The following TMEM179 variants were observed in gnomAD, a reference collection of about 807,000 sequenced individuals.
The protein encoded by TMEM179 is transmembrane protein 179.
A neutral mutation model predicts 22.2 loss-of-function variants in TMEM179; 17 were observed. That is an observed-to-expected ratio of 0.77 (90% CI 0.52 to 1.15). The LOEUF (loss-of-function observed/expected upper bound fraction) is 1.15. Among genes scored for constraint, TMEM179 ranks in the 50% most tolerant of loss-of-function variants. The probability of loss-of-function intolerance (pLI) is 0.00; values close to 1 mark genes in which losing one functional copy is unlikely to be tolerated. For synonymous variants in TMEM179, 127 were observed against 140.5 expected (o/e 0.90, Z 0.68); for missense variants, 265 against 313.6 (o/e 0.84, Z 1.17).
Position 104,592,469 on chromosome 14 carries a change from C to T in TMEM179, c.*1010G>A, listed in dbSNP as rs1409963569. ...TCGCACATGCAGTCACACATTCACT[C>T]ACAGGCAGTCACACTCTCATGCACT... On this transcript the variant is annotated 3_prime_UTR_variant, in exon 4 of 4. Coordinates refer to ENST00000556573, the MANE Select transcript of TMEM179 (RefSeq NM_001286389.2). The T allele has an allele frequency of 2.6e-5, 4 of 153,682 alleles. No homozygotes were observed. The highest frequency in any genetic ancestry group is 5.8e-5 in the Non-Finnish European group (4 of 68,782). The allele number at this position is 153,682 out of a possible 1,614,324, so 9.5% of individuals were successfully genotyped here.
intron 3 of TMEM179, chr14:104,594,744 G>A: frequency 8.7e-7 from 1 of 1,144,684 alleles, no homozygotes; most frequent in Non-Finnish European, 1.1e-6. Context: ...CTTCCCCCTG[G>A]CTAGGGGACT....
intron 1 of TMEM179, among the ~76,000 whole-genome samples, chr14:104,601,640 G>A (rs1887244361): frequency 6.6e-6 from 1 of 152,230 alleles, no homozygotes; most frequent in South Asian, 2.1e-4. Context: ...CACGTGAACT[G>A]AGCCACTAAT....
At chr14:104,601,456 A>C (rs907373334) in intron 1 of TMEM179, among the ~76,000 whole-genome samples, 10 of 152,154 alleles carry the variant, frequency 6.6e-5, no homozygotes, top group African/African-American at 2.4e-4. Flanking sequence ...TGGGTCCCCT[A>C]GGGTGGGGTC....
Position 104,593,605 on chromosome 14 carries a change from G to C in TMEM179, c.576C>G (p.Phe192Leu). The change falls in exon 4 of 4, where the codon TTC becomes TTG. Residue 192 changes from phenylalanine to leucine, a missense_variant. Phe to Leu is a conservative substitution (Grantham distance 22). Coordinates refer to ENST00000556573, the MANE Select transcript of TMEM179 (RefSeq NM_001286389.2). ...GACGGTAGTTGTGGTAGACCTTCAG[G>C]AAGGCCAGCGTGGTGATGGCCAGCC... ...LAWLAITTLA[F>L]LKVYHNYRQE... 2 of 1,508,010 alleles carry C rather than the reference G, an allele frequency of 1.3e-6. No homozygotes were observed. The highest frequency in any genetic ancestry group is 1.8e-6 in the Non-Finnish European group (2 of 1,129,642). The allele number at this position is 1,508,010 out of a possible 1,614,324, so 93.4% of individuals were successfully genotyped here. A position where few individuals can be genotyped will look rare whatever the true frequency, so the allele number is the denominator to read the frequency against.
At chr14:104,601,133 A>G (rs1002950748) in intron 1 of TMEM179, among the ~76,000 whole-genome samples, 10 of 152,192 alleles carry the variant, frequency 6.6e-5, no homozygotes, top group Non-Finnish European at 1.5e-4. Flanking sequence ...CACCTAGTCT[A>G]TGCAGCTGGA....
At chr14:104,596,830 G>A (rs1887038699) in intron 2 of TMEM179, among the ~76,000 whole-genome samples, 160 bp downstream of exon 2, 1 of 152,164 alleles carries the variant, frequency 6.6e-6, no homozygotes, top group African/African-American at 2.4e-5. Flanking sequence ...CAGGGAAGGG[G>A]CTGCACAGGT....
rs982816182 is a variant in TMEM179, at chr14:104,593,230, C to T, written c.*249G>A. On this transcript the variant is annotated 3_prime_UTR_variant, in exon 4 of 4. Transcript: ENST00000556573. ...CTGTGCGAGGCCTGGAGGTGCCCCC[C>T]GCCCCCGCCCCACACCCATAGTCTC... The T allele has an allele frequency of 3.4e-5, 19 of 558,488 alleles. No individual in the cohort carries two copies. The highest frequency in any genetic ancestry group is 1.3e-5 in the Non-Finnish European group (4 of 317,886). The allele number at this position is 558,488 out of a possible 1,614,324, so 34.6% of individuals were successfully genotyped here.
At chr14:104,593,831 C>T (rs912529364) in intron 3 of TMEM179, among the ~76,000 whole-genome samples, 173 bp from the exon 4 acceptor site, 5 of 152,256 alleles carry the variant, frequency 3.3e-5, no homozygotes, top group Non-Finnish European at 5.9e-5. Flanking sequence ...CAAGATCAAG[C>T]TTCTGAGTTC....
intron 1 of TMEM179, among the ~76,000 whole-genome samples, chr14:104,598,534 A>T (rs1887121272): frequency 6.6e-6 from 1 of 152,240 alleles, no homozygotes; most frequent in Non-Finnish European, 1.5e-5. Flanking sequence ...TTGTCTGTTC[A>T]TTCATTCAGC....
In TMEM179 at chr14:104,597,657, C is replaced by T. The variant is rs184427247; in HGVS notation, c.306-530G>A. ...CACCAAGCGAGCTCCCAGCAGATAA[C>T]GACACAGCAAGAGGAACGGGCCCTC... is the stretch of plus-strand genomic sequence containing the variant. On this transcript the variant is annotated intron_variant, in intron 1 of 3. Transcript: ENST00000556573. The surrounding 1 kb of genome is among the most constrained non-coding windows in gnomAD (Gnocchi z 4.8). Among the ~76,000 whole-genome samples the T allele has an allele frequency of 2.0e-4, 31 of 152,242 alleles. No individual in the cohort carries two copies. Among genetic ancestry groups the T allele is most frequent in the African/African-American group, 7.0e-4 (29 of 41,546 alleles).
chr14:104,596,167 G>A (rs1053061632), intron 2 of TMEM179, among the ~76,000 whole-genome samples: 12 of 152,250 alleles, frequency 7.9e-5, no homozygotes, highest in African/African-American at 2.9e-4. Flanking sequence ...AGACAGGCAG[G>A]GAGCCCCTTC....
intron 1 of TMEM179, among the ~76,000 whole-genome samples, chr14:104,598,898 G>A (rs954052258): frequency 6.6e-5 from 10 of 152,328 alleles, no homozygotes; most frequent in South Asian, 2.1e-4. Context: ...CCACACCAAC[G>A]AGGGCAGGAC....
rs140537007 is a variant in TMEM179, at chr14:104,597,520, A to G, written c.306-393T>C. Among the ~76,000 whole-genome samples, 132 of 152,010 alleles carry G rather than the reference A, an allele frequency of 8.7e-4. No individual in the cohort carries two copies. Among genetic ancestry groups the G allele is most frequent in the African/African-American group, 2.8e-3 (118 of 41,440 alleles). On this transcript the variant is annotated intron_variant, in intron 1 of 3. Transcript: ENST00000556573. This position sits in a 1 kb window ranked among gnomAD's most constrained non-coding sequence, Gnocchi z 4.8. ...TGGCCCAGGTGCTTGTGTCCCCCCA[A>G]ATCCATATGTTCCAGTCCACTGAGG... is the stretch of plus-strand genomic sequence containing the variant.
At chr14:104,599,740 A>G (rs1385924276) in intron 1 of TMEM179, among the ~76,000 whole-genome samples, 2 of 152,176 alleles carry the variant, frequency 1.3e-5, no homozygotes, top group East Asian at 1.9e-4. Context: ...GGAAGGGGCC[A>G]CTGCCATGGT....
intron 1 of TMEM179, among the ~76,000 whole-genome samples, chr14:104,600,399 G>A (rs1887194178): frequency 6.6e-6 from 1 of 152,208 alleles, no homozygotes; most frequent in South Asian, 2.1e-4. Context: ...CTCAGCGCCG[G>A]CACGGGCAGG....
rs774888317 is a variant in TMEM179, at chr14:104,604,525, A to AGCGGCAG, written c.210_216dup (p.Phe73LeufsTer80). 2 of 1,554,378 alleles carry AGCGGCAG rather than the reference A, an allele frequency of 1.3e-6. No individual in the cohort carries two copies. The highest frequency in any genetic ancestry group is 8.7e-7 in the Non-Finnish European group (1 of 1,153,338). On this transcript the variant is annotated frameshift_variant, in exon 1 of 4. Coordinates refer to ENST00000556573, the MANE Select transcript of TMEM179 (RefSeq NM_001286389.2). LOFTEE classifies it high-confidence loss of function. The surrounding 1 kb of genome is among the most constrained non-coding windows in gnomAD (Gnocchi z 4.6). ...GACAGGAGGCTGGCGAGCAGGCTGA[A>AGCGGCAG]GCGGCAGGCGGCCGGCGGGCCCCAC...
At chr14:104,602,346 C>T (rs561371565) in intron 1 of TMEM179, among the ~76,000 whole-genome samples, 1 of 152,292 alleles carries the variant, frequency 6.6e-6, no homozygotes, top group Admixed American at 6.5e-5. Context: ...AGAGAGCCAC[C>T]CTCTGTCAGC....
In TMEM179 at chr14:104,604,764, G is replaced by A. The variant is rs1283642055; in HGVS notation, c.-23C>T. On this transcript the variant is annotated 5_prime_UTR_variant, in exon 1 of 4. Coordinates refer to ENST00000556573, the MANE Select transcript of TMEM179 (RefSeq NM_001286389.2). This position sits in a 1 kb window ranked among gnomAD's most constrained non-coding sequence, Gnocchi z 4.6. ...CATGGCCGGCCCGGGCGAGAGCGGC[G>A]GCGGGAAGGCCGCGGGAGGCTGCGC... 5 of 1,490,220 alleles carry A rather than the reference G, an allele frequency of 3.4e-6. No homozygotes were observed. The highest frequency in any genetic ancestry group is 1.7e-4 in the Middle Eastern group (1 of 5,720). 92.3% of individuals were successfully genotyped at this position (1,490,220 alleles called of 1,614,324 possible).
rs544032575 is a variant in TMEM179, at chr14:104,600,442, G to A, written c.306-3315C>T. 1.1e-3 allele frequency among the ~76,000 whole-genome samples: 171 copies of A among 152,296 alleles called. 1 individual carries two copies. Among genetic ancestry groups the A allele is most frequent in the African/African-American group, 3.5e-3 (146 of 41,558 alleles). ...GTTTAACGCAGCATCCCTCCGGCCC[G>A]CCAACCACAAACTGCTGCCAGCCCA... On this transcript the variant is annotated intron_variant, in intron 1 of 3. Coordinates refer to ENST00000556573, the MANE Select transcript of TMEM179 (RefSeq NM_001286389.2).
Sources: allele counts gnomAD v4.1 joint callset (sites outside exome capture counted in the v4.1 genomes callset), GRCh38; gene constraint gnomAD v4.1.1; non-coding constraint Gnocchi (gnomAD v3.1); transcripts MANE v1.5; gene names NCBI Gene and HGNC (gene_info 2026-07-23, HGNC 2026-07-21).